The following TMEM230 variants were observed in gnomAD, a reference collection of about 807,000 sequenced individuals.
The protein encoded by TMEM230 is transmembrane protein 230.
Under a neutral mutation model 15.8 loss-of-function variants are expected in TMEM230, and 10 were observed. That is an observed-to-expected ratio of 0.63 (90% confidence interval 0.39 to 1.07). The LOEUF (loss-of-function observed/expected upper bound fraction) is 1.07. TMEM230 is among the 50% of genes least tolerant of loss of function. The probability of loss-of-function intolerance (pLI) is 0.01; values close to 1 mark genes in which losing one functional copy is unlikely to be tolerated. For synonymous variants in TMEM230, 67 were observed against 76.9 expected, an observed-to-expected ratio of 0.87 and a Z score of 0.68; for missense variants, 165 against 193.3, an observed-to-expected ratio of 0.85 and a Z score of 0.87.
chr20:5,083,854 TTCTC>T (rs932157690), intron 3 of TMEM230, among the ~76,000 whole-genome samples: 46 of 152,340 alleles, frequency 3.0e-4, no homozygotes, highest in Middle Eastern at 3.4e-3. Flanking sequence ...TAAGATCTTT[TTCTC>T]TCTCTTTTAT....
chr20:5,095,051 G>A (rs1026899668), downstream of TMEM230, among the ~76,000 whole-genome samples: 1 of 152,160 alleles, frequency 6.6e-6, no homozygotes, highest in South Asian at 2.1e-4. Context: ...GTTCAGCTGT[G>A]GGGCAAAAGC....
intron 3 of TMEM230, among the ~76,000 whole-genome samples, chr20:5,087,133 C>G (rs1419147971): frequency 5.3e-5 from 8 of 152,186 alleles, no homozygotes; most frequent in Non-Finnish European, 8.8e-5. Flanking sequence ...CTCAGCCTCA[C>G]AAAGTGCTGG....
chr20:5,104,083 T>C (rs1022203362), intron 4 of TMEM230, among the ~76,000 whole-genome samples: 8 of 151,890 alleles, frequency 5.3e-5, no homozygotes, highest in African/African-American at 1.9e-4. Context: ...GGAAAAAAAA[T>C]CTAATAATCC....
chr20:5,079,351 G>A (rs2089107779), intron 3 of TMEM230, among the ~76,000 whole-genome samples: 1 of 152,052 alleles, frequency 6.6e-6, no homozygotes, highest in Non-Finnish European at 1.5e-5. Context: ...CTTTTCCTTG[G>A]CTATTATATT....
At chr20:5,099,232 AAATC>A (rs145559832), downstream of TMEM230, among the ~76,000 whole-genome samples, 336 of 78,980 alleles carry the variant, frequency 4.3e-3, 1 homozygote, top group African/African-American at 4.3e-3. Flanking sequence ...ATAAATAAAT[AAATC>A]AATCAATCAA....
At position 5,087,696 on chromosome 20, in the gene TMEM230, C is replaced by CTT. The variant is rs561757286; in HGVS notation, c.223-18349_223-18348dup. Among the ~76,000 whole-genome samples, 13 of 99,544 alleles carry CTT rather than the reference C, an allele frequency of 1.3e-4. 1 individual carries two copies. The highest frequency in any genetic ancestry group is 2.3e-4 in the Non-Finnish European group (12 of 51,694). The allele number at this position is 99,544 out of a possible 152,430, so 65.3% of individuals were successfully genotyped here. A position where few individuals can be genotyped will look rare whatever the true frequency, so the allele number is the denominator to read the frequency against. On this transcript the variant is annotated intron_variant, in intron 3 of 3. Coordinates refer to the TMEM230 transcript ENST00000612323. Reference sequence around the variant, plus strand: ...GGTAAATAGGCCAAAGAAAGTATGGCTTTTTTTTTTTTTTTTTTTTTTCCT... The same window carrying CTT: ...GGTAAATAGGCCAAAGAAAGTATGGCTTTTTTTTTTTTTTTTTTTTTTTTCCT...
chr20:5,082,466 G>A (rs1167222011), intron 3 of TMEM230, among the ~76,000 whole-genome samples: 1 of 152,134 alleles, frequency 6.6e-6, no homozygotes, highest in Non-Finnish European at 1.5e-5. Flanking sequence ...TTTTGAGACA[G>A]AGTCTTGCTC....
downstream of TMEM230, among the ~76,000 whole-genome samples, chr20:5,097,436 A>G (rs2089694765): frequency 6.6e-6 from 1 of 152,218 alleles, no homozygotes; most frequent in South Asian, 2.1e-4. Flanking sequence ...TAAAAAAGTT[A>G]GGATATATAG....
chr20:5,088,084 G>A (rs62200434), intron 3 of TMEM230, among the ~76,000 whole-genome samples: 1 of 148,354 alleles, frequency 6.7e-6, no homozygotes, highest in Non-Finnish European at 1.5e-5. Context: ...CAAGGTGGGC[G>A]GATTGCCTGA....
At chr20:5,101,514 C>G (rs2089863208) in intron 4 of TMEM230, among the ~76,000 whole-genome samples, 2 of 152,062 alleles carry the variant, frequency 1.3e-5, no homozygotes, top group Admixed American at 6.6e-5. Context: ...CTCGACTTCC[C>G]AGGCTCAAGT....
At chr20:5,106,951 T>G (rs2090118097) in intron 3 of TMEM230, among the ~76,000 whole-genome samples, 1 of 151,710 alleles carries the variant, frequency 6.6e-6, no homozygotes, top group Admixed American at 6.6e-5. Context: ...AAGGGAGTCC[T>G]TCCACCTCTG....
chr20:5,106,121 GCA>G (rs113000699), intron 4 of TMEM230, 65 bp downstream of exon 3: 3 of 1,091,742 alleles, frequency 2.7e-6, no homozygotes, highest in African/African-American at 3.3e-5. Context: ...ACACACACAC[GCA>G]CACTAGAGCC....
At chr20:5,073,613 C>T (rs1227617642) in intron 3 of TMEM230, among the ~76,000 whole-genome samples, 2 of 152,188 alleles carry the variant, frequency 1.3e-5, no homozygotes, top group African/African-American at 2.4e-5. Context: ...GATAGGAAAG[C>T]CCAAAGGCTA....
intron 3 of TMEM230, among the ~76,000 whole-genome samples, chr20:5,094,502 T>A (rs1230763258): frequency 6.6e-6 from 1 of 151,202 alleles, no homozygotes; most frequent in African/African-American, 2.4e-5. Context: ...AGGTCAGCAG[T>A]TTGAGACCAG....
intron 4 of TMEM230, among the ~76,000 whole-genome samples, chr20:5,105,065 G>A (rs752818750): frequency 2.6e-5 from 4 of 152,208 alleles, no homozygotes; most frequent in Non-Finnish European, 5.9e-5. Context: ...CGGGCAGGCC[G>A]CTTGAGGTCA....
intron 4 of TMEM230, among the ~76,000 whole-genome samples, chr20:5,102,508 T>C (rs553377693): frequency 2.1e-5 from 3 of 146,078 alleles, no homozygotes; most frequent in Non-Finnish European, 4.5e-5. Flanking sequence ...CTGGTCAACA[T>C]GGTAAAATCC....
downstream of TMEM230, among the ~76,000 whole-genome samples, chr20:5,097,923 C>T (rs2089710669): frequency 6.8e-6 from 1 of 147,350 alleles, no homozygotes; most frequent in African/African-American, 2.5e-5. Flanking sequence ...GCTTTAATCC[C>T]AAATATCTCA....
At chr20:5,107,589 TA>T (rs1424750591) in intron 3 of TMEM230, among the ~76,000 whole-genome samples, 1 of 152,186 alleles carries the variant, frequency 6.6e-6, no homozygotes, top group Non-Finnish European at 1.5e-5. Flanking sequence ...ATATATTTAT[TA>T]ACTGCCTGGC....
At chr20:5,102,075 A>T (rs1034398240) in intron 4 of TMEM230, among the ~76,000 whole-genome samples, 8 of 152,240 alleles carry the variant, frequency 5.3e-5, no homozygotes, top group Non-Finnish European at 1.2e-4. Context: ...AAACTATGAC[A>T]GGGCAAACTG....
Sources: gnomAD v4.1 joint callset for allele counts (sites outside exome capture counted in the v4.1 genomes callset) on GRCh38, gnomAD v4.1.1 for gene constraint, MANE v1.5 for transcripts, NCBI Gene and HGNC (gene_info 2026-07-23, HGNC 2026-07-21) for gene names.